The following ZNF469 variants were observed in gnomAD, a reference collection of about 807,000 sequenced individuals.
The protein encoded by ZNF469 is zinc finger protein 469.
ZNF469 carries 1 observed loss-of-function variant against 1.0 expected under a neutral mutation model. The observed-to-expected ratio is 1.00, with a 90% confidence interval of 0.35 to 4.73. ZNF469 has a LOEUF of 4.73. Among genes scored for constraint, ZNF469 ranks in the 30% most tolerant of loss-of-function variants. The pLI is 0.16. For synonymous variants in ZNF469, 2,703 were observed against 2,363.4 expected (o/e 1.14, Z -4.17); for missense variants, 6,100 against 5,356.3 (o/e 1.14, Z -4.33).
chr16:88,285,485 G>A, the ZNF469 span, among the ~76,000 whole-genome samples: 2 of 152,252 alleles, frequency 1.3e-5, no homozygotes, highest in African/African-American at 4.8e-5. Context: ...CATTGCCACA[G>A]CCAGCGTGGG....
chr16:88,322,971 G>A, the ZNF469 span, among the ~76,000 whole-genome samples: 5 of 152,166 alleles, frequency 3.3e-5, no homozygotes, highest in Non-Finnish European at 7.4e-5. Flanking sequence ...ATTGGAGAAC[G>A]GCATGCTTAC....
At chr16:88,109,410 T>G in the ZNF469 span, among the ~76,000 whole-genome samples, 1 of 152,254 alleles carries the variant, frequency 6.6e-6, no homozygotes, top group Non-Finnish European at 1.5e-5. Flanking sequence ...GACCCAGGCA[T>G]GAGGCTTCTC....
the ZNF469 span, among the ~76,000 whole-genome samples, chr16:88,283,387 G>A: frequency 1.8e-4 from 28 of 152,142 alleles, no homozygotes; most frequent in African/African-American, 6.0e-4. Flanking sequence ...GACACCTGCC[G>A]TTTACTTTGA....
the ZNF469 span, among the ~76,000 whole-genome samples, chr16:88,313,757 GCT>G: frequency 6.6e-6 from 1 of 152,192 alleles, no homozygotes; most frequent in Non-Finnish European, 1.5e-5. Context: ...AGGCAGTGCT[GCT>G]GTGGACTGTC....
intron 1 of ZNF469, among the ~76,000 whole-genome samples, chr16:88,410,944 G>A (rs1250464701): frequency 2.0e-5 from 3 of 152,116 alleles, no homozygotes; most frequent in Admixed American, 6.5e-5. Flanking sequence ...GGCATTCCTG[G>A]CTCGTGGCCG....
At chr16:88,364,758 G>A in the ZNF469 span, among the ~76,000 whole-genome samples, 5 of 152,014 alleles carry the variant, frequency 3.3e-5, no homozygotes, top group African/African-American at 1.2e-4. Flanking sequence ...GAGGTCAGGA[G>A]TTCAAGACCA....
chr16:88,176,029 A>G, the ZNF469 span, among the ~76,000 whole-genome samples: 3 of 152,184 alleles, frequency 2.0e-5, no homozygotes, highest in East Asian at 5.8e-4. Context: ...AGCTGACTCA[A>G]ACACAGGCCC....
the ZNF469 span, among the ~76,000 whole-genome samples, chr16:88,179,634 C>T: frequency 0.018 from 2,782 of 152,272 alleles, 81 homozygotes; most frequent in African/African-American, 0.063. Context: ...CCAGCAGGGG[C>T]CTGGAAGTCT....
chr16:88,162,067 T>TTC, the ZNF469 span, among the ~76,000 whole-genome samples: 1 of 152,204 alleles, frequency 6.6e-6, no homozygotes, highest in South Asian at 2.1e-4. Context: ...TTATGAAAAG[T>TTC]TCTCTGAATG....
chr16:88,329,129 G>A, the ZNF469 span, among the ~76,000 whole-genome samples: 2 of 152,192 alleles, frequency 1.3e-5, no homozygotes, highest in Admixed American at 6.5e-5. Context: ...TCCGGGGTCT[G>A]TGTGTCGACC....
the ZNF469 span, among the ~76,000 whole-genome samples, chr16:88,366,545 CCAT>C: frequency 1.3e-4 from 6 of 45,826 alleles, no homozygotes; most frequent in East Asian, 1.8e-3. Flanking sequence ...ATCACCACCA[CCAT>C]CATCACCATC....
chr16:88,436,704 C>G lies in ZNF469; in HGVS notation c.9234C>G (p.Phe3078Leu), dbSNP rs576267702. Residue 3078 changes from phenylalanine to leucine, a missense_variant, in exon 3 of 3, where the codon TTC becomes TTG. Phe to Leu is a conservative substitution (Grantham distance 22). Transcript: ENST00000565624. ...VGLPGPSFLD[F>L]EGTASSQGPQ... ...TCCCCGGCCCCAGCTTCTTAGACTT[C>G]GAGGGCACGGCGAGCTCACAGGGGC... 1.3e-6 allele frequency: 2 copies of G among 1,549,680 alleles called. No individual in the cohort carries two copies. The highest frequency in any genetic ancestry group is 1.7e-6 in the Non-Finnish European group (2 of 1,146,678).
At chr16:88,370,079 G>C in the ZNF469 span, among the ~76,000 whole-genome samples, 1 of 152,250 alleles carries the variant, frequency 6.6e-6, no homozygotes, top group Non-Finnish European at 1.5e-5. Flanking sequence ...CTGTGGCCGG[G>C]ATGTCGACGC....
chr16:88,394,991 C>T (rs1198068548), intron 1 of ZNF469, among the ~76,000 whole-genome samples: 1 of 152,240 alleles, frequency 6.6e-6, no homozygotes, highest in African/African-American at 2.4e-5. Context: ...TCAGCCTCTC[C>T]ACTCTGGGAT....
At chr16:88,217,013 A>G in the ZNF469 span, among the ~76,000 whole-genome samples, 1 of 152,122 alleles carries the variant, frequency 6.6e-6, no homozygotes, top group Non-Finnish European at 1.5e-5. Flanking sequence ...TGGTTCTTGA[A>G]TCAAGGTTAT....
chr16:88,285,050 C>G, the ZNF469 span, among the ~76,000 whole-genome samples: 1 of 152,258 alleles, frequency 6.6e-6, no homozygotes, highest in Non-Finnish European at 1.5e-5. Flanking sequence ...GGTTCCCAGG[C>G]TAGGGGGAGG....
the ZNF469 span, among the ~76,000 whole-genome samples, chr16:88,152,224 T>C: frequency 2.6e-5 from 4 of 152,234 alleles, no homozygotes; most frequent in Admixed American, 1.3e-4. The surrounding 1 kb of genome is among the most constrained non-coding windows in gnomAD (Gnocchi z 4.2). Context: ...ACCATTTGGC[T>C]AAGATTCTGC....
chr16:88,137,508 A>T, the ZNF469 span, among the ~76,000 whole-genome samples: 2 of 152,214 alleles, frequency 1.3e-5, no homozygotes, highest in African/African-American at 4.8e-5. Flanking sequence ...CCGTGTGTGC[A>T]TACTCCACAC....
chr16:88,248,810 G>C, the ZNF469 span, among the ~76,000 whole-genome samples: 24,845 of 152,120 alleles, frequency 0.16, 2,284 homozygotes, highest in South Asian at 0.37. Flanking sequence ...AGCAGAGCGG[G>C]GATCAGAAGC....
Sources: gnomAD v4.1 joint callset for allele counts (sites outside exome capture counted in the v4.1 genomes callset) on GRCh38, gnomAD v4.1.1 for gene constraint, Gnocchi (gnomAD v3.1) non-coding constraint, MANE v1.5 for transcripts, NCBI Gene and HGNC (gene_info 2026-07-23, HGNC 2026-07-21) for gene names.